The following KLKB1 variants were observed in gnomAD, a reference collection of about 807,000 sequenced individuals.
KLKB1 encodes the protein plasma kallikrein.
In KLKB1, 58 loss-of-function variants were observed where a neutral mutation model predicts 73.6. The ratio of observed to expected loss-of-function variants is 0.79; its 90% CI spans 0.64 to 0.98. The LOEUF is 0.98. KLKB1 is among the 50% of genes least tolerant of loss of function. The pLI, the probability that KLKB1 is intolerant of heterozygous loss-of-function variation, is 0.00. For missense variants in KLKB1, 737 were observed against 763.8 expected (o/e 0.96, Z 0.41); for synonymous variants, 280 against 258.1 (o/e 1.08, Z -0.81).
intron 6 of KLKB1, among the ~76,000 whole-genome samples, chr4:186,243,892 G>A (rs1444312388): frequency 2.0e-5 from 3 of 152,158 alleles, no homozygotes. Flanking sequence ...AGGCCTGGTG[G>A]AACTGCCATC....
chr4:186,245,355 T>C (rs1738274556), intron 6 of KLKB1, among the ~76,000 whole-genome samples: 1 of 152,154 alleles, frequency 6.6e-6, no homozygotes, highest in Non-Finnish European at 1.5e-5. Flanking sequence ...TCTAAGGTGA[T>C]CGGGCAGCGT....
upstream of KLKB1, among the ~76,000 whole-genome samples, chr4:186,225,862 T>G (rs1240104806): frequency 6.6e-6 from 1 of 151,830 alleles, no homozygotes; most frequent in Non-Finnish European, 1.5e-5. Context: ...TTCTGCAACT[T>G]TCTCTTTCTC....
At chr4:186,213,426 C>T (rs757662277) in intron 2 of KLKB1, 1 of 152,198 alleles carries the variant, frequency 6.6e-6, no homozygotes, top group African/African-American at 2.4e-5. Flanking sequence ...ATGGCTGATT[C>T]ATAATGGGTA....
rs762449340 is a variant in KLKB1, at chr4:186,251,235, A to C, written c.775A>C (p.Lys259Gln). Residue 259 changes from lysine (K) to glutamine (Q), a missense_variant, in exon 8 of 15, where the codon AAA (lysine) becomes CAA (glutamine). Transcript: ENST00000264690. Reference sequence around the variant, plus strand: ...AAAAAATAGAAATGTTTGTCTTCTTAAAACATCTGAAAGTGGCACACCAAG... The same window carrying C: ...AAAAAATAGAAATGTTTGTCTTCTTCAAACATCTGAAAGTGGCACACCAAG... ...IESQRNVCLL[K>Q]TSESGTPSSS... 2 of 1,604,068 alleles carry C rather than the reference A, an allele frequency of 1.2e-6. No individual in the cohort carries two copies. The highest frequency in any genetic ancestry group is 1.1e-5 in the South Asian group (1 of 90,534).
At chr4:186,248,492 A>G (rs1387878195) in intron 6 of KLKB1, among the ~76,000 whole-genome samples, 2 of 151,750 alleles carry the variant, frequency 1.3e-5, no homozygotes, top group African/African-American at 4.8e-5. Context: ...TCTAGCATAT[A>G]TCAATACTTT....
chr4:186,251,363 T>C (rs986530952), intron 8 of KLKB1, 35 bp downstream of exon 8: 8 of 1,522,374 alleles, frequency 5.3e-6, no homozygotes, highest in Non-Finnish European at 6.4e-6. Flanking sequence ...ACATAAAATG[T>C]AACCTATTTC....
chr4:186,246,657 G>A (rs1738372267), intron 6 of KLKB1, among the ~76,000 whole-genome samples: 1 of 152,048 alleles, frequency 6.6e-6, no homozygotes, highest in Non-Finnish European at 1.5e-5. Context: ...GGAATGGAGG[G>A]TGGAAAGTTG....
chr4:186,236,111 C>A, intron 4 of KLKB1, among the ~76,000 whole-genome samples: 2 of 62,918 alleles, frequency 3.2e-5, no homozygotes, highest in African/African-American at 7.4e-5. Context: ...GAGACTCCGT[C>A]TCAAAAAAAA....
rs754586302 is a variant in KLKB1, at chr4:186,232,287, A to G, written c.219A>G (p.Lys73=). The change falls in exon 3 of 15, where the codon AAA becomes AAG. Residue 73 remains lysine (K), a splice_region_variant and synonymous_variant. Transcript: ENST00000264690. The part of the protein sequence containing the change: ...LPASSINDME[K]RFGCFLKDSV... Reference sequence around the variant, plus strand: ...CAAGTTCAATCAATGACATGGAGAAAAGGTAAAAGTTGGTATTTCATTATT... The same window carrying G: ...CAAGTTCAATCAATGACATGGAGAAGAGGTAAAAGTTGGTATTTCATTATT... 11 of 1,613,848 alleles carry G rather than the reference A, an allele frequency of 6.8e-6. No individual in the cohort carries two copies. Among genetic ancestry groups the G allele is most frequent in the Non-Finnish European group, 9.3e-6 (11 of 1,179,722 alleles).
intron 2 of KLKB1, among the ~76,000 whole-genome samples, chr4:186,230,494 G>A (rs1373209721): frequency 4.6e-5 from 7 of 152,138 alleles, no homozygotes; most frequent in Non-Finnish European, 8.8e-5. Context: ...AGCTTTGAAA[G>A]CCACCATCAT....
At chr4:186,217,928 T>A (rs1419243122) in intron 2 of KLKB1, among the ~76,000 whole-genome samples, 1 of 152,192 alleles carries the variant, frequency 6.6e-6, no homozygotes, top group Non-Finnish European at 1.5e-5. Context: ...ATGTCAGAAG[T>A]GTTATCCAGC....
chr4:186,228,637 G>A (rs543439535), intron 2 of KLKB1, among the ~76,000 whole-genome samples: 3 of 152,276 alleles, frequency 2.0e-5, no homozygotes, highest in African/African-American at 7.2e-5. Context: ...ATTTTATAGT[G>A]TCTGGGTCCA....
At chr4:186,257,787 AGCAAGGTCTT>A (rs1739092315) in intron 14 of KLKB1, among the ~76,000 whole-genome samples, 3 of 143,958 alleles carry the variant, frequency 2.1e-5, no homozygotes, top group Admixed American at 7.0e-5. Context: ...GTGTCTGGCA[AGCAAGGTCTT>A]GCACACACAC....
chr4:186,248,595 A>ATTTTTTTTTTTT (rs138717531), intron 6 of KLKB1, among the ~76,000 whole-genome samples: 3 of 114,916 alleles, frequency 2.6e-5, no homozygotes, highest in African/African-American at 7.1e-5. Context: ...TTGTTTCTGG[A>ATTTTTTTTTTTT]TTTTTTTTTT....
rs936484849 is a variant in KLKB1, at chr4:186,246,914, C to A, written c.599-3329C>A. 1.6e-4 allele frequency among the ~76,000 whole-genome samples: 25 copies of A among 152,062 alleles called. 1 individual carries two copies. Among genetic ancestry groups the A allele is most frequent in the Admixed American group, 1.4e-3 (21 of 15,270 alleles). On this transcript the variant is annotated intron_variant, in intron 6 of 14. Transcript: ENST00000264690. ...ATGACCAGTGCCAGAGTTTTGGGTT[C>A]ATGGATAAAACGCGTCTCCTCTGTC...
At chr4:186,218,566 A>G (rs1051614823) in intron 2 of KLKB1, among the ~76,000 whole-genome samples, 5 of 152,182 alleles carry the variant, frequency 3.3e-5, no homozygotes, top group East Asian at 1.9e-4. Flanking sequence ...GTGTTTTGAT[A>G]TACATGTACA....
chr4:186,225,326 GA>G (rs1336678964), upstream of KLKB1, among the ~76,000 whole-genome samples: 2 of 151,796 alleles, frequency 1.3e-5, no homozygotes, highest in African/African-American at 4.8e-5. Flanking sequence ...TTTCTGCTGA[GA>G]AATCCACCAA....
At chr4:186,243,471 T>A (rs541205697) in intron 6 of KLKB1, among the ~76,000 whole-genome samples, 1 of 152,208 alleles carries the variant, frequency 6.6e-6, no homozygotes, top group Admixed American at 6.5e-5. Flanking sequence ...CTGTGAGGGA[T>A]AGAAGTTGGA....
In KLKB1 at chr4:186,251,565, A is replaced by G; in HGVS notation, c.947A>G (p.Asn316Ser). ...ELNVTFVKGV[N>S]VCQETCTKMI... ...AATGTGACTTTTGTTAAAGGAGTGAATGTTTGCCAAGAGACTTGCACAAAG... is the reference window on the plus strand; with the variant it reads ...AATGTGACTTTTGTTAAAGGAGTGAGTGTTTGCCAAGAGACTTGCACAAAG... The change falls in exon 9 of 15, where the codon AAT (asparagine) becomes AGT (serine). Residue 316 changes from asparagine (N) to serine (S), a missense_variant. By Grantham distance (46) the Asn-to-Ser change is conservative. Transcript: ENST00000264690. The G allele has an allele frequency of 1.9e-6, 3 of 1,614,038 alleles. No homozygotes were observed. The highest frequency in any genetic ancestry group is 1.7e-6 in the Non-Finnish European group (2 of 1,179,876).
Sources: allele counts gnomAD v4.1 joint callset (sites outside exome capture counted in the v4.1 genomes callset), GRCh38; gene constraint gnomAD v4.1.1; transcripts MANE v1.5; gene names NCBI Gene and HGNC (gene_info 2026-07-23, HGNC 2026-07-21).